The following MN1 variants were observed in gnomAD, a reference collection of about 807,000 sequenced individuals.
MN1 encodes MN1 proto-oncogene, transcriptional regulator.
MN1 carries 19 observed loss-of-function variants against 86.9 expected under a neutral mutation model. The observed-to-expected ratio is 0.22, with a 90% CI of 0.15 to 0.32. The LOEUF (loss-of-function observed/expected upper bound fraction) is 0.32. Among genes scored for constraint, MN1 ranks in the 10% least tolerant of loss-of-function variants. The pLI, the probability that MN1 is intolerant of heterozygous loss-of-function variation, is 1.00. For missense variants in MN1, 1,841 were observed against 1,862.0 expected (o/e 0.99, Z 0.21); for synonymous variants, 928 against 849.6 (o/e 1.09, Z -1.60).
Position 27,771,002 on chromosome 22 carries a change from G to A in MN1, c.3782-19906C>T, listed in dbSNP as rs923511742. ...TAAATATGCCCATAAAAGGTATTTCGAGTCCAGAAAATAATAATAGTCATT... is the reference window on the plus strand; with the variant it reads ...TAAATATGCCCATAAAAGGTATTTCAAGTCCAGAAAATAATAATAGTCATT... On this transcript the variant is annotated intron_variant, in intron 1 of 1. Transcript: ENST00000302326. Among the ~76,000 whole-genome samples the A allele has an allele frequency of 3.3e-5, 5 of 151,874 alleles. No homozygotes were observed. In the East Asian group the frequency reaches 9.7e-4, roughly 29 times the overall value.
Position 27,797,481 on chromosome 22 carries a change from C to G in MN1, c.3063G>C (p.Gln1021His). 1.9e-6 allele frequency: 3 copies of G among 1,598,322 alleles called. No homozygotes were observed. The highest frequency in any genetic ancestry group is 1.3e-5 in the African/African-American group (1 of 74,722). The change falls in exon 1 of 2, where the codon CAG becomes CAC. Residue 1021 changes from glutamine to histidine, a missense_variant. Coordinates refer to ENST00000302326, the MANE Select transcript of MN1 (RefSeq NM_002430.3). ...GKGAELLLGD[Q>H]PDLIGSLDGG... ...CGTCCAGGGACCCAATGAGGTCCGGCTGATCCCCCAGGAGCAACTCAGCCC... is the reference window on the plus strand; with the variant it reads ...CGTCCAGGGACCCAATGAGGTCCGGGTGATCCCCCAGGAGCAACTCAGCCC...
Position 27,801,646 on chromosome 22 carries a change from G to A in MN1, c.-1103C>T, listed in dbSNP as rs1471866374. On this transcript the variant is annotated 5_prime_UTR_variant, in exon 1 of 2. Transcript: ENST00000302326. ...GGGGGCGCGGGGGCAGCTCTGGGGG[G>A]TCTGCGCACCCCTCTCCCGACTAGC... 2 of 173,468 alleles carry A rather than the reference G, an allele frequency of 1.2e-5. No individual in the cohort carries two copies. The highest frequency in any genetic ancestry group is 4.8e-5 in the African/African-American group (2 of 41,764). 10.7% of individuals were successfully genotyped at this position (173,468 alleles called of 1,614,324 possible).
chr22:27,767,943 C>T (rs1024016451), intron 1 of MN1, among the ~76,000 whole-genome samples: 5 of 152,084 alleles, frequency 3.3e-5, no homozygotes, highest in Non-Finnish European at 5.9e-5. Flanking sequence ...GACTGTTATT[C>T]CTTTTTAAAG....
chr22:27,749,333 G>A lies in MN1; in HGVS notation c.*1582C>T, dbSNP rs1932736727. The stretch of plus-strand genomic sequence containing the variant: ...GATCTGCAAACTCTGAGGACCTGGA[G>A]GGGGTGGGGGAGCTCAAAGTGGAGC... On this transcript the variant is annotated 3_prime_UTR_variant, in exon 2 of 2. Transcript: ENST00000302326. 1 of 232,102 alleles carries A rather than the reference G, an allele frequency of 4.3e-6. No homozygotes were observed. Among genetic ancestry groups the A allele is most frequent in the Non-Finnish European group, 8.5e-6 (1 of 117,310 alleles). 14.4% of individuals were successfully genotyped at this position (232,102 alleles called of 1,614,324 possible).
chr22:27,779,335 G>A (rs1933021198), intron 1 of MN1, among the ~76,000 whole-genome samples: 1 of 152,180 alleles, frequency 6.6e-6, no homozygotes, highest in South Asian at 2.1e-4. Flanking sequence ...CTGAGGATCA[G>A]TGAGGCAGCA....
At chr22:27,752,035 C>T (rs755768163) in intron 1 of MN1, among the ~76,000 whole-genome samples, 5 of 152,186 alleles carry the variant, frequency 3.3e-5, no homozygotes, top group South Asian at 2.1e-4. Flanking sequence ...TTCCCTCCTA[C>T]GCTCTGGCCT....
rs746216271 is a variant in MN1, at chr22:27,799,048, G to A, written c.1496C>T (p.Thr499Ile). The change falls in exon 1 of 2, where the codon ACA becomes ATA. Residue 499 changes from threonine (T) to isoleucine (I), a missense_variant. By Grantham distance (89) the Thr-to-Ile change is moderately conservative. Coordinates refer to ENST00000302326, the MANE Select transcript of MN1 (RefSeq NM_002430.3). ...AGGGAAGCTGTCGGGCACAGGCGGT[G>A]TGAACTCGCCGGGTAGGCCTGGGTA... ...SAYPGLPGEF[T>I]PPVPDSFPSG... The A allele has an allele frequency of 6.2e-7, 1 of 1,611,602 alleles. No homozygotes were observed. Among genetic ancestry groups the A allele is most frequent in the Non-Finnish European group, 8.5e-7 (1 of 1,178,944 alleles).
chr22:27,775,784 C>A (rs750532359), intron 1 of MN1, among the ~76,000 whole-genome samples: 2 of 152,246 alleles, frequency 1.3e-5, no homozygotes, highest in Non-Finnish European at 2.9e-5. Context: ...TATCCTTGAA[C>A]CCAGAGGCAG....
At chr22:27,796,541 T>C (rs2146314961) in intron 1 of MN1, among the ~76,000 whole-genome samples, 2 of 137,446 alleles carry the variant, frequency 1.5e-5, no homozygotes, top group Middle Eastern at 3.7e-3. Context: ...GGCACTAGAA[T>C]CTACCTGGTA....
intron 1 of MN1, among the ~76,000 whole-genome samples, chr22:27,778,241 A>C (rs1273572053): frequency 6.6e-6 from 1 of 152,212 alleles, no homozygotes; most frequent in Non-Finnish European, 1.5e-5. Flanking sequence ...GGAGTTCCAG[A>C]AAATGCACAA....
At position 27,800,475 on chromosome 22, in the gene MN1, A is replaced by G. The variant is rs926985134; in HGVS notation, c.69T>C (p.Phe23=). 1.9e-6 allele frequency: 3 copies of G among 1,614,056 alleles called. No individual in the cohort carries two copies. The highest frequency in any genetic ancestry group is 1.7e-6 in the Non-Finnish European group (2 of 1,180,034). ...TGTTCATGCTCAGTCCGGTCTCGTTAAAGTTCCTCTCGCCCTGGCCAGCGT... is the reference window on the plus strand; with the variant it reads ...TGTTCATGCTCAGTCCGGTCTCGTTGAAGTTCCTCTCGCCCTGGCCAGCGT... ...SRNAGQGERN[F]NETGLSMNTH... is the part of the protein sequence containing the mutation. The change falls in exon 1 of 2, where the codon TTT becomes TTC. Residue 23 remains phenylalanine, a synonymous_variant. Transcript: ENST00000302326.
intron 1 of MN1, 90 bp from the exon 2 acceptor site, chr22:27,751,186 G>A: frequency 1.8e-6 from 2 of 1,120,546 alleles, no homozygotes; most frequent in Non-Finnish European, 2.5e-6. Flanking sequence ...AGGCATACAA[G>A]ACAGGCACCG....
chr22:27,778,151 G>A (rs1435919754), intron 1 of MN1, among the ~76,000 whole-genome samples: 3 of 152,134 alleles, frequency 2.0e-5, no homozygotes, highest in Admixed American at 6.5e-5. Context: ...CAACACTAAC[G>A]AGGGACTGAT....
At chr22:27,777,812 G>A (rs1196338049) in intron 1 of MN1, among the ~76,000 whole-genome samples, 1 of 151,498 alleles carries the variant, frequency 6.6e-6, no homozygotes, top group Non-Finnish European at 1.5e-5. Flanking sequence ...GAAGGCGGAG[G>A]ATGCAATGAG....
intron 1 of MN1, among the ~76,000 whole-genome samples, chr22:27,754,071 A>G (rs1462388338): frequency 1.3e-5 from 2 of 152,172 alleles, no homozygotes; most frequent in African/African-American, 4.8e-5. Context: ...ACTCCGAGGG[A>G]TGAAGCTCCT....
intron 1 of MN1, among the ~76,000 whole-genome samples, chr22:27,786,202 C>T (rs1171518889): frequency 6.6e-6 from 1 of 152,162 alleles, no homozygotes; most frequent in Non-Finnish European, 1.5e-5. Context: ...GGCAGAGAGA[C>T]AGGAAGGCTG....
chr22:27,797,638 C>T lies in MN1; in HGVS notation c.2906G>A (p.Gly969Glu), dbSNP rs759936263. The change falls in exon 1 of 2, where the codon GGG becomes GAG. Residue 969 changes from glycine (G) to glutamate (E), a missense_variant. Coordinates refer to ENST00000302326, the MANE Select transcript of MN1 (RefSeq NM_002430.3). ...CCCTGGGCTCACCCCAGGTGCGCCC[C>T]CGCTGTCCGGAGCCGCCGAGTACTT... Reference protein sequence around the residue: ...FDKYSAAPDSGGAPGVSPGQQ... With the variant: ...FDKYSAAPDSEGAPGVSPGQQ... 2 of 1,595,964 alleles carry T rather than the reference C, an allele frequency of 1.3e-6. No homozygotes were observed. The highest frequency in any genetic ancestry group is 1.7e-5 in the Admixed American group (1 of 58,156).
In MN1 at chr22:27,797,385, G is replaced by A. The variant is rs370736125; in HGVS notation, c.3159C>T (p.Tyr1053=). The part of the protein sequence containing the change: ...EFASDEVSTS[Y]ANEDEVSSSS... Reference sequence around the variant, plus strand: ...TGGACGACACCTCGTCCTCATTGGCGTAGCTCGTGCTCACCTCGTCCGAGG... The same window carrying A: ...TGGACGACACCTCGTCCTCATTGGCATAGCTCGTGCTCACCTCGTCCGAGG... The change falls in exon 1 of 2, where the codon TAC becomes TAT. Residue 1053 remains tyrosine (Y), a synonymous_variant. Transcript: ENST00000302326. The A allele has an allele frequency of 2.4e-5, 38 of 1,611,606 alleles. No homozygotes were observed. The African/African-American group carries it at 4.0e-4, about 17-fold the overall frequency.
At chr22:27,796,301 GACTA>G (rs1280080707) in intron 1 of MN1, among the ~76,000 whole-genome samples, 1 of 152,160 alleles carries the variant, frequency 6.6e-6, no homozygotes, top group Non-Finnish European at 1.5e-5. Context: ...GCTAGAGGCT[GACTA>G]ACTAGGAAAA....
Sources: allele counts gnomAD v4.1 joint callset (sites outside exome capture counted in the v4.1 genomes callset), GRCh38; gene constraint gnomAD v4.1.1; transcripts MANE v1.5; gene names NCBI Gene and HGNC (gene_info 2026-07-23, HGNC 2026-07-21).